Variants in ITPRID1 observed in about 807,000 individuals in gnomAD.
The protein encoded by ITPRID1 is ITPR interacting domain containing 1, also known as protein ITPRID1.
A neutral mutation model predicts 95.4 loss-of-function variants in ITPRID1; 96 were observed. The observed-to-expected ratio is 1.01, with a 90% CI of 0.85 to 1.19. The LOEUF (loss-of-function observed/expected upper bound fraction) is 1.19. ITPRID1 is among the 50% of genes most tolerant of loss of function. The probability of loss-of-function intolerance (pLI) is 0.00; values close to 1 mark genes in which losing one functional copy is unlikely to be tolerated. For synonymous variants in ITPRID1, 510 were observed against 453.6 expected (o/e 1.12, Z -1.58); for missense variants, 1,339 against 1,252.9 (o/e 1.07, Z -1.04).
At chr7:31,523,350 C>T (rs887922771) in intron 1 of ITPRID1, among the ~76,000 whole-genome samples, 2 of 152,156 alleles carry the variant, frequency 1.3e-5, no homozygotes, top group Non-Finnish European at 1.5e-5. Flanking sequence ...TGACTCTTAA[C>T]TAGTTGACTC....
chr7:31,585,708 C>A (rs946628850), intron 10 of ITPRID1, among the ~76,000 whole-genome samples: 33 of 152,078 alleles, frequency 2.2e-4, no homozygotes, highest in African/African-American at 8.0e-4. Context: ...ACAAGATATG[C>A]CTTCCCTATC....
intron 6 of ITPRID1, among the ~76,000 whole-genome samples, chr7:31,570,553 C>A (rs76851959): frequency 7.9e-5 from 12 of 152,168 alleles, no homozygotes; most frequent in Non-Finnish European, 1.3e-4. Flanking sequence ...CTGCTGCTAC[C>A]AATTCACCCC....
chr7:31,528,480 G>A (rs989885461), intron 1 of ITPRID1, among the ~76,000 whole-genome samples: 6 of 152,144 alleles, frequency 3.9e-5, no homozygotes, highest in Non-Finnish European at 7.3e-5. Context: ...GGGCTGAGTA[G>A]GCAGTACATG....
chr7:31,578,761 A>C (rs971181274), intron 9 of ITPRID1, among the ~76,000 whole-genome samples: 2 of 152,076 alleles, frequency 1.3e-5, no homozygotes, highest in African/African-American at 4.8e-5. Context: ...TTCATGTTTT[A>C]TCTTCTTCGA....
rs144537827 is a variant in ITPRID1, at chr7:31,533,209, T to C, written c.-97-16217T>C. 4.5e-3 allele frequency among the ~76,000 whole-genome samples: 680 copies of C among 151,838 alleles called. 3 individuals are homozygous for C. Among genetic ancestry groups the C allele is most frequent in the African/African-American group, 0.014 (581 of 41,238 alleles). On this transcript the variant is annotated intron_variant, in intron 1 of 14. Coordinates refer to ENST00000615280, the MANE Select transcript of ITPRID1 (RefSeq NM_001257967.3). ...ATGCATATGAAGCTCTTAAAAAATCTTTTTTTCCCTCAGTTTCTTAGTTTT... is the reference window on the plus strand; with the variant it reads ...ATGCATATGAAGCTCTTAAAAAATCCTTTTTTCCCTCAGTTTCTTAGTTTT...
At chr7:31,523,124 A>G (rs1783319585) in intron 1 of ITPRID1, among the ~76,000 whole-genome samples, 1 of 152,228 alleles carries the variant, frequency 6.6e-6, no homozygotes, top group South Asian at 2.1e-4. Flanking sequence ...ACCCATGCTT[A>G]GTTCCTTTCT....
intron 10 of ITPRID1, among the ~76,000 whole-genome samples, chr7:31,622,976 A>ACC (rs1442396400): frequency 1.6e-3 from 248 of 151,976 alleles, no homozygotes; most frequent in Non-Finnish European, 2.9e-3. Context: ...TACTACAAAC[A>ACC]TCTACGCCAA....
At chr7:31,548,469 C>G (rs999385112) in intron 1 of ITPRID1, among the ~76,000 whole-genome samples, 1 of 152,052 alleles carries the variant, frequency 6.6e-6, no homozygotes, top group African/African-American at 2.4e-5. Context: ...ATGAAAGAGC[C>G]ATAGCTTGAG....
intron 5 of ITPRID1, chr7:31,555,271 G>C (rs780658600): frequency 1.2e-5 from 2 of 161,930 alleles, no homozygotes; most frequent in Non-Finnish European, 2.7e-5. Flanking sequence ...CTATTCTTTG[G>C]TCTCAAAATT....
rs145023400 is a variant in ITPRID1, at chr7:31,649,960, G to A, written c.2584-1182G>A. ...TTCTAAAGAGAGAATAAGGGAGGGT[G>A]AAGAGTAGGGGCTCAGTAGAGTCAG... is the stretch of plus-strand genomic sequence containing the variant. On this transcript the variant is annotated intron_variant, in intron 12 of 14. Transcript: ENST00000615280. 3.5e-3 allele frequency among the ~76,000 whole-genome samples: 537 copies of A among 152,290 alleles called. 2 individuals are homozygous for A. Among genetic ancestry groups the A allele is most frequent in the Non-Finnish European group, 5.6e-3 (378 of 68,018 alleles).
chr7:31,530,889 C>A (rs1013585698), intron 1 of ITPRID1, among the ~76,000 whole-genome samples: 19 of 152,206 alleles, frequency 1.2e-4, no homozygotes, highest in African/African-American at 3.9e-4. Context: ...TATATAGGAT[C>A]TATATCTTCT....
intron 10 of ITPRID1, among the ~76,000 whole-genome samples, chr7:31,622,594 A>C (rs1158852728): frequency 6.6e-5 from 10 of 152,018 alleles, no homozygotes; most frequent in Non-Finnish European, 1.2e-4. Flanking sequence ...AATCTCTGGG[A>C]CACATTCAAA....
intron 5 of ITPRID1, among the ~76,000 whole-genome samples, chr7:31,556,629 TG>T (rs1784455767): frequency 6.6e-6 from 1 of 151,948 alleles, no homozygotes; most frequent in South Asian, 2.1e-4. Flanking sequence ...TACCAGAAAC[TG>T]GGGACCTGGA....
At chr7:31,519,405 C>T (rs1185011679) in intron 1 of ITPRID1, among the ~76,000 whole-genome samples, 1 of 151,698 alleles carries the variant, frequency 6.6e-6, no homozygotes, top group East Asian at 1.9e-4. Flanking sequence ...ACTGTGTCTC[C>T]TCTGTCAATT....
At chr7:31,589,461 T>C (rs1158138999) in intron 10 of ITPRID1, among the ~76,000 whole-genome samples, 1 of 152,044 alleles carries the variant, frequency 6.6e-6, no homozygotes, top group Non-Finnish European at 1.5e-5. Context: ...TGCTCAAAGA[T>C]TTACATTTAC....
intron 10 of ITPRID1, among the ~76,000 whole-genome samples, chr7:31,635,648 C>G (rs1048687807): frequency 6.6e-6 from 1 of 152,048 alleles, no homozygotes; most frequent in Non-Finnish European, 1.5e-5. Context: ...TCATTTGGAC[C>G]AGTGTATTAG....
chr7:31,549,524 A>G (rs1455537378), intron 2 of ITPRID1, 25 bp downstream of exon 2: 6 of 1,501,570 alleles, frequency 4.0e-6, no homozygotes, highest in Admixed American at 4.1e-5. Context: ...TATATTTTTC[A>G]TTAAATTTTC....
At chr7:31,625,232 A>C (rs1465034977) in intron 10 of ITPRID1, among the ~76,000 whole-genome samples, 1 of 151,864 alleles carries the variant, frequency 6.6e-6, no homozygotes. Context: ...TCAGGGATCT[A>C]GAATTACAAA....
intron 5 of ITPRID1, among the ~76,000 whole-genome samples, chr7:31,563,477 T>C (rs1186037513): frequency 6.6e-6 from 1 of 152,076 alleles, no homozygotes; most frequent in African/African-American, 2.4e-5. Context: ...GTTGTACTTG[T>C]GGTCTGGGCT....
Sources: gnomAD v4.1 joint callset for allele counts (sites outside exome capture counted in the v4.1 genomes callset) on GRCh38, gnomAD v4.1.1 for gene constraint, MANE v1.5 for transcripts, NCBI Gene and HGNC (gene_info 2026-07-23, HGNC 2026-07-21) for gene names.